The following RSRC2 variants were observed in gnomAD, a reference collection of about 807,000 sequenced individuals.
RSRC2 encodes arginine/serine-rich coiled-coil protein 2.
A neutral mutation model predicts 61.3 loss-of-function variants in RSRC2; 5 were observed. The ratio of observed to expected loss-of-function variants is 0.08; its 90% confidence interval spans 0.04 to 0.17. The LOEUF (loss-of-function observed/expected upper bound fraction) is 0.17. RSRC2 is among the 10% of genes least tolerant of loss of function. RSRC2 has a pLI of 1.00. For missense variants in RSRC2, 381 were observed against 518.8 expected, an observed-to-expected ratio of 0.73 and a Z score of 2.58; for synonymous variants, 202 against 166.5, an observed-to-expected ratio of 1.21 and a Z score of -1.64.
intron 4 of RSRC2, among the ~76,000 whole-genome samples, chr12:122,518,361 G>C (rs1295052080): frequency 1.3e-5 from 2 of 152,078 alleles, no homozygotes; most frequent in Admixed American, 6.6e-5. Flanking sequence ...GGGAGGCCGA[G>C]GTAGGTGGAT....
Position 122,522,296 on chromosome 12 carries a change from T to G in RSRC2, c.10A>C (p.Ser4Arg), listed in dbSNP as rs753268862. The change falls in exon 2 of 10, where the codon AGT becomes CGT. Residue 4 changes from serine to arginine, a missense_variant. By Grantham distance (110) the Ser-to-Arg change is moderately radical (BLOSUM62 -1). Coordinates refer to ENST00000331738, the MANE Select transcript of RSRC2 (RefSeq NM_023012.6). Reference sequence around the variant, plus strand: ...GCTAGTCCATCTCGCTCTGTATCACTAGCCTAAAAGTTTAAAAACAAATGA... The same window carrying G: ...GCTAGTCCATCTCGCTCTGTATCACGAGCCTAAAAGTTTAAAAACAAATGA... The part of the protein sequence containing the change: MAA[S>R]DTERDGLAPE... 12 of 1,588,236 alleles carry G rather than the reference T, an allele frequency of 7.6e-6. No individual in the cohort carries two copies. The Admixed American group carries it at 1.7e-4, about 23-fold the overall frequency.
At chr12:122,513,496 ATGC>A (rs1958685281) in intron 6 of RSRC2, among the ~76,000 whole-genome samples, 1 of 152,110 alleles carries the variant, frequency 6.6e-6, no homozygotes, top group Non-Finnish European at 1.5e-5. Flanking sequence ...GACATTTTGG[ATGC>A]TATTAACGGC....
At position 122,514,850 on chromosome 12, in the gene RSRC2, G is replaced by A. The variant is rs75339240; in HGVS notation, c.725+255C>T. ...TTCAAATGCAAACTGAAAATATTTGGGAGTCTAAATTTGAGAAAAATGAAA... is the reference window on the plus strand; with the variant it reads ...TTCAAATGCAAACTGAAAATATTTGAGAGTCTAAATTTGAGAAAAATGAAA... On this transcript the variant is annotated intron_variant, in intron 6 of 9. Transcript: ENST00000331738. 9,041 of 691,270 alleles carry A rather than the reference G, an allele frequency of 0.013. 649 individuals carry two copies. The African/African-American group carries it at 0.15, about 12-fold the overall frequency. The allele number at this position is 691,270 out of a possible 1,614,324, so 42.8% of individuals were successfully genotyped here. A position where few individuals can be genotyped will look rare whatever the true frequency, so the allele number is the denominator to read the frequency against.
intron 9 of RSRC2, among the ~76,000 whole-genome samples, chr12:122,505,911 TG>T (rs1347925913): frequency 6.6e-6 from 1 of 152,068 alleles, no homozygotes; most frequent in Non-Finnish European, 1.5e-5. Flanking sequence ...CCCAAATAGC[TG>T]GGATTAGAGG....
Position 122,511,161 on chromosome 12 carries a change from T to C in RSRC2, c.753A>G (p.Glu251=). 6.2e-7 allele frequency: 1 copy of C among 1,608,536 alleles called. No homozygotes were observed. Among genetic ancestry groups the C allele is most frequent in the Non-Finnish European group, 8.5e-7 (1 of 1,179,392 alleles). Residue 251 remains glutamate (E), a synonymous_variant, in exon 7 of 10, where the codon GAA becomes GAG. Coordinates refer to ENST00000331738, the MANE Select transcript of RSRC2 (RefSeq NM_023012.6). Reference sequence around the variant, plus strand: ...TTTCAACCATTTCCTTTTCTCGCTGTTCTTGTAATTTCTTTGCCCTTTCCA... The same window carrying C: ...TTTCAACCATTTCCTTTTCTCGCTGCTCTTGTAATTTCTTTGCCCTTTCCA... ...RRLERAKKLQ[E]QREKEMVEKQ...
At chr12:122,515,415 C>A (rs1292966830) in intron 5 of RSRC2, among the ~76,000 whole-genome samples, 188 bp from the exon 6 acceptor site, 2 of 152,160 alleles carry the variant, frequency 1.3e-5, no homozygotes, top group Non-Finnish European at 2.9e-5. Context: ...ACTCCCTCAT[C>A]CCTTTTTAAG....
intron 4 of RSRC2, among the ~76,000 whole-genome samples, chr12:122,518,502 A>C (rs945772826): frequency 6.6e-6 from 1 of 151,868 alleles, no homozygotes; most frequent in Non-Finnish European, 1.5e-5. Flanking sequence ...CTGAGAAAGG[A>C]GAATCACTTG....
intron 5 of RSRC2, 59 bp from the exon 6 acceptor site, chr12:122,515,286 TAAG>T: frequency 6.5e-7 from 1 of 1,543,870 alleles, no homozygotes; most frequent in Non-Finnish European, 8.8e-7. Context: ...ATTTTGTTAA[TAAG>T]AAATCAATTA....
In RSRC2 at chr12:122,508,263, T is replaced by C; in HGVS notation, c.990A>G (p.Glu330=). 3 of 1,614,258 alleles carry C rather than the reference T, an allele frequency of 1.9e-6. No homozygotes were observed. Among genetic ancestry groups the C allele is most frequent in the Non-Finnish European group, 8.5e-7 (1 of 1,180,042 alleles). The stretch of plus-strand genomic sequence containing the variant: ...AAAGCATTTTCCTTTTTTTCTCTTG[T>C]TCAGCAAATTTCATTGGATTAACAG... ...PAAVNPMKFA[E]QEKKRKMLWQ... is the part of the protein sequence containing the mutation. The change falls in exon 8 of 10, where the codon GAA becomes GAG. Residue 330 remains glutamate (E), a synonymous_variant. Transcript: ENST00000331738.
intron 6 of RSRC2, among the ~76,000 whole-genome samples, chr12:122,512,856 T>C (rs985132587): frequency 6.6e-6 from 1 of 152,146 alleles, no homozygotes; most frequent in Non-Finnish European, 1.5e-5. Context: ...GACTTGACTT[T>C]GTCCTTGAGA....
chr12:122,517,157 T>A, intron 5 of RSRC2, 70 bp downstream of exon 5: 1 of 1,602,880 alleles, frequency 6.2e-7, no homozygotes, highest in Non-Finnish European at 8.5e-7. Context: ...TTTAATACTC[T>A]CTTACTGAGG....
intron 5 of RSRC2, among the ~76,000 whole-genome samples, chr12:122,516,553 C>T (rs1426126965): frequency 6.6e-6 from 1 of 152,178 alleles, no homozygotes; most frequent in Non-Finnish European, 1.5e-5. Flanking sequence ...ACACACTTAC[C>T]TTTCAACATG....
intron 3 of RSRC2, chr12:122,521,022 G>C: frequency 4.2e-6 from 1 of 237,660 alleles, no homozygotes; most frequent in Non-Finnish European, 8.3e-6. Context: ...CTAGGGTATT[G>C]CTATGTAAAG....
intron 8 of RSRC2, chr12:122,507,777 C>G (rs1219532747): frequency 5.8e-6 from 1 of 172,172 alleles, no homozygotes; most frequent in Non-Finnish European, 1.3e-5. Flanking sequence ...CCTCCGCCTC[C>G]CAGGATCAAG....
At position 122,526,899 on chromosome 12, in the gene RSRC2, T is replaced by G; in HGVS notation, c.-46A>C. 1 of 1,612,602 alleles carries G rather than the reference T, an allele frequency of 6.2e-7. No individual in the cohort carries two copies. The highest frequency in any genetic ancestry group is 1.3e-5 in the African/African-American group (1 of 75,012). On this transcript the variant is annotated 5_prime_UTR_variant, in exon 1 of 10. Transcript: ENST00000331738. ...AGAGCGGCGCCTCCACTTGTCGCTT[T>G]CAACAGTACCGGCCGCTCCGAAGCT...
At chr12:122,518,750 AATT>A in intron 4 of RSRC2, 86 bp downstream of exon 4, 1 of 1,022,020 alleles carries the variant, frequency 9.8e-7, no homozygotes, top group Non-Finnish European at 1.5e-6. Context: ...AAAACTCCCT[AATT>A]ATGATTTTTT....
At chr12:122,508,484 A>AT (rs747796805) in intron 7 of RSRC2, 37 bp from the exon 8 acceptor site, 4 of 1,466,730 alleles carry the variant, frequency 2.7e-6, no homozygotes, top group East Asian at 2.3e-5. Context: ...TTTTAAAACG[A>AT]TTTTAAAACA....
At chr12:122,516,747 C>G (rs1958962719) in intron 5 of RSRC2, among the ~76,000 whole-genome samples, 1 of 152,172 alleles carries the variant, frequency 6.6e-6, no homozygotes, top group Admixed American at 6.5e-5. Context: ...GACTGGAGTG[C>G]AACAGCATGA....
chr12:122,521,260 C>A, intron 3 of RSRC2, 125 bp downstream of exon 3: 1 of 609,782 alleles, frequency 1.6e-6, no homozygotes, highest in South Asian at 2.6e-5. Context: ...ATTTTATAAC[C>A]CAATAAACCT....
Sources: gnomAD v4.1 joint callset for allele counts (sites outside exome capture counted in the v4.1 genomes callset) on GRCh38, gnomAD v4.1.1 for gene constraint, MANE v1.5 for transcripts, NCBI Gene and HGNC (gene_info 2026-07-23, HGNC 2026-07-21) for gene names.